Variants in LRRC37A2 observed in about 807,000 individuals in gnomAD.
LRRC37A2 encodes the protein leucine-rich repeat-containing protein 37A2.
LRRC37A2 carries 9 observed loss-of-function variants against 68.8 expected under a neutral mutation model. The ratio of observed to expected loss-of-function variants is 0.13; its 90% CI spans 0.08 to 0.23. The LOEUF (loss-of-function observed/expected upper bound fraction) is 0.23. Among genes scored for constraint, LRRC37A2 ranks in the 10% least tolerant of loss-of-function variants. The probability of loss-of-function intolerance (pLI) is 1.00; values close to 1 mark genes in which losing one functional copy is unlikely to be tolerated. For missense variants in LRRC37A2, 168 were observed against 950.4 expected, an observed-to-expected ratio of 0.18 and a Z score of 10.82; for synonymous variants, 63 against 367.6, an observed-to-expected ratio of 0.17 and a Z score of 9.48.
At chr17:46,941,160 A>G in the LRRC37A2 span, 1 of 1,007,362 alleles carries the variant, frequency 9.9e-7, no homozygotes, top group Non-Finnish European at 1.2e-6. Flanking sequence ...ATGGACATTT[A>G]CTTCAGGGGG....
chr17:46,758,219 C>T, the LRRC37A2 span, among the ~76,000 whole-genome samples: 2 of 152,186 alleles, frequency 1.3e-5, no homozygotes, highest in African/African-American at 2.4e-5. Flanking sequence ...CCTCCTAAAC[C>T]TTGATCCTTA....
At chr17:46,649,757 TAGTA>T in the LRRC37A2 span, among the ~76,000 whole-genome samples, 122 of 127,868 alleles carry the variant, frequency 9.5e-4, no homozygotes, top group African/African-American at 3.9e-3. Flanking sequence ...GACACACAGC[TAGTA>T]AGTAGTAGAG....
At chr17:46,996,484 C>T in the LRRC37A2 span, among the ~76,000 whole-genome samples, 1 of 152,206 alleles carries the variant, frequency 6.6e-6, no homozygotes, top group Non-Finnish European at 1.5e-5. Flanking sequence ...ACCTCCCAGT[C>T]CTCAGCTGTC....
the LRRC37A2 span, among the ~76,000 whole-genome samples, chr17:46,802,003 T>C: frequency 6.6e-6 from 1 of 152,134 alleles, no homozygotes. Flanking sequence ...CTGTTAAACA[T>C]AAGATATTCT....
the LRRC37A2 span, among the ~76,000 whole-genome samples, chr17:46,800,412 G>A: frequency 6.6e-6 from 1 of 152,106 alleles, no homozygotes; most frequent in East Asian, 1.9e-4. Flanking sequence ...TGCCTGGCCT[G>A]ATAACAGAAT....
At chr17:46,868,447 A>G in the LRRC37A2 span, among the ~76,000 whole-genome samples, 2 of 151,434 alleles carry the variant, frequency 1.3e-5, no homozygotes, top group Non-Finnish European at 2.9e-5. Context: ...CACAAAAAAA[A>G]TAGCTGGGCG....
chr17:46,515,985 T>C (rs2051220149), intron 2 of LRRC37A2, among the ~76,000 whole-genome samples: 1 of 118,206 alleles, frequency 8.5e-6, no homozygotes, highest in African/African-American at 3.4e-5. Flanking sequence ...AGTATGCTAC[T>C]GTCTCCAGAA....
chr17:46,450,252 G>C, the LRRC37A2 span, among the ~76,000 whole-genome samples: 5 of 107,040 alleles, frequency 4.7e-5, no homozygotes, highest in East Asian at 1.2e-3. Flanking sequence ...TAACCTCCAT[G>C]GTCTATCACA....
the LRRC37A2 span, among the ~76,000 whole-genome samples, chr17:46,726,877 C>T: frequency 6.6e-6 from 1 of 151,988 alleles, no homozygotes; most frequent in Non-Finnish European, 1.5e-5. Flanking sequence ...TCCAGTGTGC[C>T]CTTGCCATAG....
At chr17:46,835,785 G>A in the LRRC37A2 span, among the ~76,000 whole-genome samples, 799 of 152,390 alleles carry the variant, frequency 5.2e-3, 11 homozygotes, top group African/African-American at 0.018. Context: ...GGGTTGGAGG[G>A]AAGGGAGGAG....
At chr17:46,828,813 T>C in the LRRC37A2 span, among the ~76,000 whole-genome samples, 7,465 of 150,620 alleles carry the variant, frequency 0.05, 245 homozygotes, top group Middle Eastern at 0.16. Context: ...AAAAAAAGAA[T>C]TGCCAGGTGT....
rs1301243310 is a variant in LRRC37A2, at chr17:46,534,791, C to A, written c.2907-5385C>A. Reference sequence around the variant, plus strand: ...GGGCAGCCGGGCAGAGGCGCCCCCCCACCTCCCGGAGGGGGCGGCTGGCCA... The same window carrying A: ...GGGCAGCCGGGCAGAGGCGCCCCCCAACCTCCCGGAGGGGGCGGCTGGCCA... On this transcript the variant is annotated intron_variant, in intron 6 of 14. Coordinates refer to ENST00000576629, the Ensembl canonical transcript of LRRC37A2. Among the ~76,000 whole-genome samples, 4 of 147,314 alleles carry A rather than the reference C, an allele frequency of 2.7e-5. No homozygotes were observed. The East Asian group carries it at 5.9e-4, about 22-fold the overall frequency.
the LRRC37A2 span, among the ~76,000 whole-genome samples, chr17:46,568,784 C>CA: frequency 1.6e-3 from 92 of 56,824 alleles, 1 homozygote; most frequent in African/African-American, 3.7e-3. Context: ...GACCCTGTCT[C>CA]CAAAAAAAAA....
chr17:46,936,966 A>T, the LRRC37A2 span: 3,703 of 123,190 alleles, frequency 0.03, 42 homozygotes, highest in Non-Finnish European at 0.041. Flanking sequence ...TGTATTTATT[A>T]AAAAAAAAAA....
the LRRC37A2 span, among the ~76,000 whole-genome samples, chr17:46,980,739 A>C: frequency 6.6e-6 from 1 of 151,340 alleles, no homozygotes; most frequent in East Asian, 1.9e-4. Flanking sequence ...AGGCTGAGGC[A>C]GGAGAATGGC....
the LRRC37A2 span, chr17:46,938,614 A>G: frequency 6.2e-7 from 1 of 1,613,934 alleles, no homozygotes; most frequent in South Asian, 1.1e-5. Context: ...TCAGAAGAAG[A>G]TCCTTGACAT....
chr17:47,042,095 A>G, the LRRC37A2 span: 1 of 130,442 alleles, frequency 7.7e-6, no homozygotes, highest in African/African-American at 2.7e-5. Flanking sequence ...AGCCTGGGCA[A>G]CACAGTGAGT....
chr17:46,872,793 GACGGGGA>G, the LRRC37A2 span: 1 of 1,360,784 alleles, frequency 7.3e-7, no homozygotes, highest in South Asian at 1.2e-5. Flanking sequence ...AGGGCTAGGG[GACGGGGA>G]GGGCTGGGGG....
At chr17:46,808,022 T>G in the LRRC37A2 span, among the ~76,000 whole-genome samples, 5 of 152,266 alleles carry the variant, frequency 3.3e-5, no homozygotes, top group Non-Finnish European at 7.3e-5. Context: ...TCTGCCCAGC[T>G]GCTTTCTAGC....
Sources: allele counts gnomAD v4.1 joint callset (sites outside exome capture counted in the v4.1 genomes callset), GRCh38; gene constraint gnomAD v4.1.1; transcripts MANE v1.5; gene names NCBI Gene and HGNC (gene_info 2026-07-23, HGNC 2026-07-21).